Variants in PTPRM observed in about 807,000 individuals in gnomAD.
PTPRM encodes the protein protein tyrosine phosphatase receptor type M.
A neutral mutation model predicts 186.7 loss-of-function variants in PTPRM; 47 were observed. The observed-to-expected ratio is 0.25, with a 90% CI of 0.20 to 0.32. PTPRM has a LOEUF of 0.32. Ranked by LOEUF, PTPRM falls within the 10% of genes least tolerant of loss-of-function variation. The probability of loss-of-function intolerance (pLI) is 1.00; values close to 1 mark genes in which losing one functional copy is unlikely to be tolerated. For synonymous variants in PTPRM, 668 were observed against 674.9 expected (o/e 0.99, Z 0.16); for missense variants, 1,494 against 1,865.0 (o/e 0.80, Z 3.66).
chr18:8,357,917 A>G (rs1598423780), intron 23 of PTPRM, among the ~76,000 whole-genome samples: 1 of 152,202 alleles, frequency 6.6e-6, no homozygotes, highest in South Asian at 2.1e-4. Context: ...GGAGAAAACC[A>G]TATAACTTTT....
intron 23 of PTPRM, among the ~76,000 whole-genome samples, chr18:8,364,670 T>G (rs560361321): frequency 6.6e-6 from 1 of 152,280 alleles, no homozygotes; most frequent in South Asian, 2.1e-4. Context: ...TTAATAGAAG[T>G]ATGGATACTC....
In PTPRM at chr18:8,394,602, C is replaced by A; in HGVS notation, c.4335C>A (p.Val1445=). The A allele has an allele frequency of 6.2e-7, 1 of 1,609,878 alleles. No homozygotes were observed. The highest frequency in any genetic ancestry group is 1.1e-5 in the South Asian group (1 of 90,182). ...TGAGGAACAACAAGCCCAACATGGT[C>A]GACCTCCTGGTAGGACACCCCCTCT... The part of the protein sequence containing the change: ...KTLRNNKPNM[V]DLLDQYKFCY... The change falls in exon 32 of 33, where the codon GTC becomes GTA. Residue 1445 remains valine, a synonymous_variant. Transcript: ENST00000580170.
intron 13 of PTPRM, among the ~76,000 whole-genome samples, chr18:8,138,712 G>A (rs747208078): frequency 2.0e-5 from 3 of 152,080 alleles, no homozygotes; most frequent in Admixed American, 6.5e-5. Flanking sequence ...GGTTCTGCGC[G>A]CTGGTCTCAC....
chr18:7,858,408 A>T (rs1435051689), intron 2 of PTPRM, among the ~76,000 whole-genome samples: 1 of 152,030 alleles, frequency 6.6e-6, no homozygotes, highest in African/African-American at 2.4e-5. Context: ...AAAAAAAATT[A>T]AATAAGCCAG....
chr18:8,226,148 T>TA lies in PTPRM; in HGVS notation c.2301-17900dup, dbSNP rs10710447. Among the ~76,000 whole-genome samples, 14 of 151,074 alleles carry TA rather than the reference T, an allele frequency of 9.3e-5. No homozygotes were observed. In the South Asian group the frequency reaches 1.5e-3, roughly 16 times the overall value. On this transcript the variant is annotated intron_variant, in intron 14 of 32. Coordinates refer to ENST00000580170, the MANE Select transcript of PTPRM (RefSeq NM_001105244.2). ...TAGCAAATGTTGGCAAATGTGTGGT[T>TA]AAAAAAAAAATGCATCACTCCGTTA...
intron 1 of PTPRM, among the ~76,000 whole-genome samples, chr18:7,588,525 G>C (rs1307617041): frequency 6.6e-6 from 1 of 152,076 alleles, no homozygotes; most frequent in Non-Finnish European, 1.5e-5. Flanking sequence ...TGTATAATTA[G>C]AAAAATTTGG....
chr18:7,852,984 A>G (rs988268615), intron 2 of PTPRM, among the ~76,000 whole-genome samples: 11 of 152,246 alleles, frequency 7.2e-5, no homozygotes, highest in African/African-American at 2.2e-4. Context: ...ATATCCAAAA[A>G]TAGGAAACTT....
chr18:8,004,206 G>A (rs1247193673), intron 7 of PTPRM, among the ~76,000 whole-genome samples: 1 of 152,092 alleles, frequency 6.6e-6, no homozygotes, highest in Non-Finnish European at 1.5e-5. Flanking sequence ...CAAACTGAAA[G>A]CAACCACTTA....
intron 1 of PTPRM, among the ~76,000 whole-genome samples, chr18:7,772,333 T>TTTTCTTTCTTTCTCTTTCTTTC (rs2042316873): frequency 2.8e-5 from 4 of 145,414 alleles, no homozygotes; most frequent in African/African-American, 1.0e-4. Context: ...TCGTTCTTTC[T>TTTTCTTTCTTTCTCTTTCTTTC]TTTCTTTCTT....
chr18:8,027,975 T>TTATGCACA (rs2085679736), intron 7 of PTPRM, among the ~76,000 whole-genome samples: 4 of 152,100 alleles, frequency 2.6e-5, no homozygotes. Context: ...TTAGTTGTCT[T>TTATGCACA]TATGCACATG....
At chr18:7,676,324 G>A (rs2039334580) in intron 1 of PTPRM, among the ~76,000 whole-genome samples, 1 of 152,162 alleles carries the variant, frequency 6.6e-6, no homozygotes, top group African/African-American at 2.4e-5. Flanking sequence ...GGAAAAAAAA[G>A]TTTGGTGGCT....
At chr18:8,318,761 T>C (rs2095327084) in intron 21 of PTPRM, among the ~76,000 whole-genome samples, 1 of 152,260 alleles carries the variant, frequency 6.6e-6, no homozygotes, top group African/African-American at 2.4e-5. Flanking sequence ...TCACTATTGA[T>C]ATAACTGTCT....
chr18:8,363,491 A>C (rs1259682898), intron 23 of PTPRM, among the ~76,000 whole-genome samples: 2 of 152,162 alleles, frequency 1.3e-5, no homozygotes, highest in Non-Finnish European at 2.9e-5. Context: ...TCTCTGATGT[A>C]CCTGGCGGCA....
chr18:8,217,538 A>G (rs2094104493), intron 14 of PTPRM, among the ~76,000 whole-genome samples: 2 of 152,246 alleles, frequency 1.3e-5, no homozygotes, highest in Admixed American at 1.3e-4. Flanking sequence ...TATTCTACAT[A>G]GCAATTTTAA....
intron 3 of PTPRM, among the ~76,000 whole-genome samples, chr18:7,891,646 A>G (rs1194605774): frequency 6.6e-6 from 1 of 152,044 alleles, no homozygotes; most frequent in African/African-American, 2.4e-5. Flanking sequence ...GCAGGTAGGC[A>G]GGTGGATTGC....
At chr18:7,587,932 A>C (rs1054683515) in intron 1 of PTPRM, among the ~76,000 whole-genome samples, 4 of 152,158 alleles carry the variant, frequency 2.6e-5, no homozygotes, top group Non-Finnish European at 4.4e-5. Flanking sequence ...TTGCATTTTG[A>C]GGAAAAAATT....
At chr18:7,931,768 G>A (rs2051500431) in intron 5 of PTPRM, among the ~76,000 whole-genome samples, 1 of 152,244 alleles carries the variant, frequency 6.6e-6, no homozygotes, top group Admixed American at 6.5e-5. Flanking sequence ...TGACCTTTAA[G>A]CTATGTATGG....
intron 14 of PTPRM, among the ~76,000 whole-genome samples, chr18:8,191,538 C>G (rs919185425): frequency 6.6e-6 from 1 of 152,114 alleles, no homozygotes; most frequent in Admixed American, 6.5e-5. Context: ...GTACATGGAG[C>G]CAAGCCTTCT....
At chr18:7,872,792 A>T (rs563768612) in intron 2 of PTPRM, among the ~76,000 whole-genome samples, 1 of 152,314 alleles carries the variant, frequency 6.6e-6, no homozygotes, top group East Asian at 1.9e-4. Context: ...TTTGGCACTT[A>T]ATAGATAATG....
Sources: gnomAD v4.1 joint callset for allele counts (sites outside exome capture counted in the v4.1 genomes callset) on GRCh38, gnomAD v4.1.1 for gene constraint, MANE v1.5 for transcripts, NCBI Gene and HGNC (gene_info 2026-07-23, HGNC 2026-07-21) for gene names.